The following CYP24A1 variants were observed in gnomAD, a reference collection of about 807,000 sequenced individuals.
The protein encoded by CYP24A1 is 1,25-dihydroxyvitamin D(3) 24-hydroxylase, mitochondrial.
Under a neutral mutation model 62.4 loss-of-function variants are expected in CYP24A1, and 68 were observed. The ratio of observed to expected loss-of-function variants is 1.09; its 90% CI spans 0.90 to 1.33. The LOEUF is 1.33. Among genes scored for constraint, CYP24A1 ranks in the 40% most tolerant of loss-of-function variants. The pLI is 0.00. For missense variants in CYP24A1, 787 were observed against 653.0 expected, an observed-to-expected ratio of 1.21 and a Z score of -2.24; for synonymous variants, 267 against 253.0, an observed-to-expected ratio of 1.06 and a Z score of -0.52.
At chr20:54,144,406 C>T in the CYP24A1 span, among the ~76,000 whole-genome samples, 940 of 151,384 alleles carry the variant, frequency 6.2e-3, 8 homozygotes, top group African/African-American at 0.021. Context: ...TGCACCACCA[C>T]ACTTGGCTAA....
At chr20:54,164,681 T>G (rs967119610) in intron 5 of CYP24A1, 118 bp from the exon 6 acceptor site, 1 of 1,570,744 alleles carries the variant, frequency 6.4e-7, no homozygotes, top group African/African-American at 1.4e-5. Flanking sequence ...AGGCTGGAAT[T>G]ACAAGGACAC....
At chr20:54,149,698 C>T (rs1039876815), downstream of CYP24A1, among the ~76,000 whole-genome samples, 1 of 152,134 alleles carries the variant, frequency 6.6e-6, no homozygotes, top group Non-Finnish European at 1.5e-5. Flanking sequence ...TATATGCACA[C>T]TTAACCCAGG....
intron 3 of CYP24A1, 116 bp from the exon 4 acceptor site, chr20:54,169,804 T>A: frequency 6.5e-7 from 1 of 1,547,416 alleles, no homozygotes; most frequent in Non-Finnish European, 8.7e-7. Context: ...CTGGCCATAA[T>A]GTTATTCATC....
intron 8 of CYP24A1, 40 bp downstream of exon 8, chr20:54,158,917 G>A (rs1203878974): frequency 6.2e-7 from 1 of 1,613,994 alleles, no homozygotes; most frequent in Non-Finnish European, 8.5e-7. Context: ...CGAGAACAGT[G>A]TTCTAACACA....
chr20:54,169,775 T>A lies in CYP24A1; in HGVS notation c.544-87A>T, dbSNP rs534932131. ...AAGCTCACTGAGCTAACTTCAGGTC[T>A]TGCTACATCGCATATTCACTGGCCA... On this transcript the variant is annotated intron_variant, in intron 3 of 11. Transcript: ENST00000216862. The A allele has an allele frequency of 2.5e-6, 4 of 1,589,146 alleles. No individual in the cohort carries two copies. In the African/African-American group the frequency reaches 5.4e-5, roughly 21 times the overall value.
chr20:54,173,190 G>T lies in CYP24A1; in HGVS notation c.259-91C>A, dbSNP rs951325990. ...TCCTCCCGCCTCCTTCCTCCTAGGG[G>T]ACCGGGGACCCTCCCTGCCCAGACG... On this transcript the variant is annotated intron_variant, in intron 1 of 11. Transcript: ENST00000216862. The surrounding 1 kb of genome is among the most constrained non-coding windows in gnomAD (Gnocchi z 7.2). 4.5e-6 allele frequency: 7 copies of T among 1,540,484 alleles called. No individual in the cohort carries two copies. In the African/African-American group the frequency reaches 6.8e-5, roughly 15 times the overall value.
chr20:54,171,307 G>T (rs964047835), intron 3 of CYP24A1, among the ~76,000 whole-genome samples: 1 of 152,192 alleles, frequency 6.6e-6, no homozygotes, highest in African/African-American at 2.4e-5. Flanking sequence ...GGAAAGCTGG[G>T]GTTCAAATCC....
Position 54,157,308 on chromosome 20 carries a change from CA to C in CYP24A1, c.1435-20del. ...GGACAATCTGTAATGCACACGCACACAAAAACAGAATTACCCCTCTCTTCTT... is the reference window on the plus strand; with the variant it reads ...GGACAATCTGTAATGCACACGCACACAAAACAGAATTACCCCTCTCTTCTT... On this transcript the variant is annotated intron_variant, in intron 10 of 11. Coordinates refer to ENST00000216862, the MANE Select transcript of CYP24A1 (RefSeq NM_000782.5). 1 of 1,524,046 alleles carries C rather than the reference CA, an allele frequency of 6.6e-7. No homozygotes were observed. The highest frequency in any genetic ancestry group is 9.1e-7 in the Non-Finnish European group (1 of 1,098,026). 94.4% of individuals were successfully genotyped at this position (1,524,046 alleles called of 1,614,324 possible). A position where few individuals can be genotyped will look rare whatever the true frequency, so the allele number is the denominator to read the frequency against.
chr20:54,168,660 C>T (rs2092680882), intron 4 of CYP24A1, among the ~76,000 whole-genome samples: 2 of 152,134 alleles, frequency 1.3e-5, no homozygotes, highest in South Asian at 4.1e-4. Flanking sequence ...TTCATTCTTT[C>T]ATGTTATTTC....
Position 54,173,380 on chromosome 20 carries a change from A to C in CYP24A1, c.200T>G (p.Leu67Arg), listed in dbSNP as rs1475971376. Residue 67 changes from leucine (L) to arginine (R), a missense_variant, in exon 1 of 12, where the codon CTG becomes CGG. Leu to Arg is a moderately radical substitution (Grantham distance 102, BLOSUM62 -2). Transcript: ENST00000216862. The surrounding 1 kb of genome is among the most constrained non-coding windows in gnomAD (Gnocchi z 7.2). ...ALPGPTSWPLLGSLLQILWKG... is the reference protein window; with the variant it reads ...ALPGPTSWPLRGSLLQILWKG... ...CCAGAGAATCTGCAGCAGGCTGCCCAGCAGTGGCCAGCTGGTGGGGCCCGG... is the reference window on the plus strand; with the variant it reads ...CCAGAGAATCTGCAGCAGGCTGCCCCGCAGTGGCCAGCTGGTGGGGCCCGG... The C allele has an allele frequency of 6.3e-7, 1 of 1,596,524 alleles. No homozygotes were observed.
chr20:54,155,547 C>A (rs866149469), intron 11 of CYP24A1, among the ~76,000 whole-genome samples: 9 of 151,970 alleles, frequency 5.9e-5, no homozygotes, highest in South Asian at 2.1e-4. Context: ...GTCTGGCCAA[C>A]ATAATGAAAC....
chr20:54,159,578 A>G (rs879259831), intron 7 of CYP24A1, among the ~76,000 whole-genome samples: 14 of 152,130 alleles, frequency 9.2e-5, no homozygotes, highest in Non-Finnish European at 1.6e-4. Context: ...TATTTTTAGT[A>G]GAGATGGGGT....
chr20:54,168,333 T>C (rs570216998), intron 4 of CYP24A1, among the ~76,000 whole-genome samples: 1 of 152,314 alleles, frequency 6.6e-6, no homozygotes, highest in East Asian at 1.9e-4. Flanking sequence ...CCTCCCTCCC[T>C]TACTTGCCCC....
At chr20:54,147,480 G>T in the CYP24A1 span, among the ~76,000 whole-genome samples, 6 of 152,192 alleles carry the variant, frequency 3.9e-5, no homozygotes, top group Non-Finnish European at 8.8e-5. Context: ...GCCCCAGAAA[G>T]GATTAGCTCC....
chr20:54,150,379 G>GCTGA (rs1259136421), downstream of CYP24A1, among the ~76,000 whole-genome samples: 1 of 151,816 alleles, frequency 6.6e-6, no homozygotes, highest in Non-Finnish European at 1.5e-5. Context: ...TTTTGCCCAG[G>GCTGA]CTGAAGTGAA....
At chr20:54,165,878 G>T in intron 4 of CYP24A1, 45 bp from the exon 5 acceptor site, 3 of 927,432 alleles carry the variant, frequency 3.2e-6, no homozygotes, top group South Asian at 2.6e-5. Context: ...AGCAATGCTG[G>T]AGTTGGAGTC....
the CYP24A1 span, among the ~76,000 whole-genome samples, chr20:54,148,172 T>TTTTTC: frequency 6.6e-6 from 1 of 150,668 alleles, no homozygotes; most frequent in Non-Finnish European, 1.5e-5. Context: ...ACACTGCCTA[T>TTTTTC]TTTTCTTTTC....
rs771575355 is a variant in CYP24A1 at position 54,173,146 on chromosome 20, G to C, written c.259-47C>G. ...GCGGTGTCAGCGCGCATCCTCCGCC[G>C]TGCCCGAAGCGCTTTCCCTCCTCCC... On this transcript the variant is annotated intron_variant, in intron 1 of 11. Transcript: ENST00000216862. This position sits in a 1 kb window ranked among gnomAD's most constrained non-coding sequence, Gnocchi z 7.2. The C allele has an allele frequency of 1.6e-5, 25 of 1,592,412 alleles. No homozygotes were observed. In the Middle Eastern group the frequency reaches 9.7e-4, roughly 62 times the overall value.
At position 54,154,081 on chromosome 20, in the gene CYP24A1, A is replaced by G. The variant is rs2092618434; in HGVS notation, c.*691T>C. ...CGGACACACACACACAGACACACAC[A>G]CACATGCATGTCTGTGCTTCATATG... On this transcript the variant is annotated 3_prime_UTR_variant, in exon 12 of 12. Coordinates refer to ENST00000216862, the MANE Select transcript of CYP24A1 (RefSeq NM_000782.5). 1.3e-5 allele frequency: 2 copies of G among 152,182 alleles called. No individual in the cohort carries two copies. The highest frequency in any genetic ancestry group is 1.3e-4 in the Admixed American group (2 of 15,280). 9.4% of individuals were successfully genotyped at this position (152,182 alleles called of 1,614,324 possible). A position where few individuals can be genotyped will look rare whatever the true frequency, so the allele number is the denominator to read the frequency against.
Sources: allele counts gnomAD v4.1 joint callset (sites outside exome capture counted in the v4.1 genomes callset), GRCh38; gene constraint gnomAD v4.1.1; non-coding constraint Gnocchi (gnomAD v3.1); transcripts MANE v1.5; gene names NCBI Gene and HGNC (gene_info 2026-07-23, HGNC 2026-07-21).